GMDS: variants seen among roughly 807,000 people sequenced by gnomAD.
GMDS encodes the protein GDP-mannose 4,6-dehydratase, also known as GDP-mannose 4,6 dehydratase.
GMDS carries 20 observed loss-of-function variants against 49.9 expected under a neutral mutation model. The ratio of observed to expected loss-of-function variants is 0.40; its 90% confidence interval spans 0.28 to 0.58. GMDS has a LOEUF of 0.58. GMDS is among the 20% of genes least tolerant of loss of function. GMDS has a pLI of 0.42. For synonymous variants in GMDS, 177 were observed against 178.6 expected (o/e 0.99, Z 0.07); for missense variants, 362 against 481.4 (o/e 0.75, Z 2.32).
At chr6:2,118,002 A>G (rs1048601921) in intron 2 of GMDS, among the ~76,000 whole-genome samples, 3 of 152,210 alleles carry the variant, frequency 2.0e-5, no homozygotes, top group African/African-American at 7.2e-5. Context: ...CTTTGCATCT[A>G]CTGTATGTAT....
chr6:1,646,808 C>T (rs751141879), intron 9 of GMDS, among the ~76,000 whole-genome samples: 2 of 152,202 alleles, frequency 1.3e-5, no homozygotes, highest in Non-Finnish European at 2.9e-5. Context: ...AGACTCCCCA[C>T]TTCTGCACAT....
At chr6:1,961,106 G>A (rs866249261) in intron 4 of GMDS, 140 bp from the exon 5 acceptor site, 10 of 495,098 alleles carry the variant, frequency 2.0e-5, no homozygotes, top group South Asian at 9.3e-5. Context: ...CAATAAGAAC[G>A]TGGATGTCAT....
At chr6:2,069,174 C>T (rs1357394330) in intron 4 of GMDS, among the ~76,000 whole-genome samples, 1 of 152,128 alleles carries the variant, frequency 6.6e-6, no homozygotes, top group African/African-American at 2.4e-5. Flanking sequence ...GGAAAGGATT[C>T]CCTATTTAAT....
intron 1 of GMDS, among the ~76,000 whole-genome samples, chr6:2,194,313 G>T (rs1381700931): frequency 6.6e-6 from 1 of 152,154 alleles, no homozygotes; most frequent in African/African-American, 2.4e-5. Flanking sequence ...GAGAGAAATG[G>T]CATTATAATA....
intron 9 of GMDS, among the ~76,000 whole-genome samples, chr6:1,633,178 G>A (rs1246443998): frequency 6.6e-6 from 1 of 152,206 alleles, no homozygotes; most frequent in Non-Finnish European, 1.5e-5. Flanking sequence ...CATCATGGAT[G>A]AAGATGTAAT....
intron 9 of GMDS, among the ~76,000 whole-genome samples, chr6:1,657,862 A>AAG (rs1763936349): frequency 6.8e-6 from 1 of 146,114 alleles, no homozygotes; most frequent in Admixed American, 7.0e-5. Context: ...GCAAAAAAAA[A>AAG]AAAAAAAGAA....
chr6:1,910,933 GA>G (rs1761021182), intron 7 of GMDS, among the ~76,000 whole-genome samples: 3 of 152,116 alleles, frequency 2.0e-5, no homozygotes, highest in Non-Finnish European at 4.4e-5. Flanking sequence ...AAAATCTCTG[GA>G]AGCTCTGGAG....
chr6:1,997,497 G>A (rs745464970), intron 4 of GMDS, among the ~76,000 whole-genome samples: 13 of 123,590 alleles, frequency 1.1e-4, no homozygotes, highest in Non-Finnish European at 1.9e-4. Flanking sequence ...GACAGAGTGA[G>A]ACTCTGTCTC....
chr6:2,210,870 G>C (rs942812270), intron 1 of GMDS, among the ~76,000 whole-genome samples: 1 of 152,190 alleles, frequency 6.6e-6, no homozygotes, highest in African/African-American at 2.4e-5. Flanking sequence ...GGAGGGACCT[G>C]GTGGGAGATA....
intron 7 of GMDS, among the ~76,000 whole-genome samples, chr6:1,843,005 G>A (rs1041327742): frequency 2.6e-5 from 4 of 151,798 alleles, no homozygotes; most frequent in Admixed American, 2.0e-4. Context: ...TACTTAGGAG[G>A]CTGAGGTGGG....
intron 4 of GMDS, among the ~76,000 whole-genome samples, chr6:2,014,126 A>AAAAAT (rs1767751340): frequency 7.3e-6 from 1 of 137,658 alleles, no homozygotes; most frequent in African/African-American, 2.6e-5. Context: ...CCCCCCCCCA[A>AAAAAT]AAAAATAAAA....
intron 7 of GMDS, among the ~76,000 whole-genome samples, chr6:1,851,524 T>A (rs1757669916): frequency 6.6e-6 from 1 of 152,144 alleles, no homozygotes; most frequent in Non-Finnish European, 1.5e-5. Context: ...TATCTAATTG[T>A]TTGAAAACAC....
chr6:1,690,412 G>A (rs1765131312), intron 9 of GMDS, among the ~76,000 whole-genome samples: 2 of 152,114 alleles, frequency 1.3e-5, no homozygotes, highest in African/African-American at 4.8e-5. Context: ...TATAAGGAAG[G>A]GGTCAAGTTT....
intron 7 of GMDS, among the ~76,000 whole-genome samples, chr6:1,880,344 G>A (rs1158458239): frequency 2.0e-5 from 3 of 149,022 alleles, no homozygotes; most frequent in African/African-American, 7.5e-5. Context: ...TGTTGCCCCA[G>A]CTACTCAGGA....
At chr6:1,793,744 G>T (rs934576249) in intron 7 of GMDS, among the ~76,000 whole-genome samples, 1 of 152,102 alleles carries the variant, frequency 6.6e-6, no homozygotes, top group South Asian at 2.1e-4. Context: ...GGAATTCTGG[G>T]TTTCTCATTT....
intron 8 of GMDS, among the ~76,000 whole-genome samples, chr6:1,731,108 G>A (rs1463320891): frequency 6.6e-6 from 1 of 152,180 alleles, no homozygotes; most frequent in Non-Finnish European, 1.5e-5. Flanking sequence ...GATTTTAGAA[G>A]TTGAAAACAA....
At chr6:1,791,977 G>A (rs62388412) in intron 7 of GMDS, among the ~76,000 whole-genome samples, 14,941 of 152,102 alleles carry the variant, frequency 0.098, 840 homozygotes, top group East Asian at 0.17. Flanking sequence ...GCCAAATGAT[G>A]TGTCTATTCT....
chr6:1,693,576 AT>A (rs1422033862), intron 9 of GMDS, among the ~76,000 whole-genome samples: 1 of 152,000 alleles, frequency 6.6e-6, no homozygotes, highest in Non-Finnish European at 1.5e-5. Context: ...ATATTTCCAT[AT>A]ATTTTTGTTG....
intron 1 of GMDS, among the ~76,000 whole-genome samples, chr6:2,168,514 A>G (rs1777785219): frequency 6.6e-6 from 1 of 152,234 alleles, no homozygotes; most frequent in Non-Finnish European, 1.5e-5. Flanking sequence ...TCAATATTAA[A>G]TAACTAAGAC....
Sources: allele counts gnomAD v4.1 joint callset (sites outside exome capture counted in the v4.1 genomes callset), GRCh38; gene constraint gnomAD v4.1.1; transcripts MANE v1.5; gene names NCBI Gene and HGNC (gene_info 2026-07-23, HGNC 2026-07-21).